TAPBPL: variants seen among roughly 807,000 people sequenced by gnomAD.
The protein encoded by TAPBPL is tapasin-related protein.
Under a neutral mutation model 44.8 loss-of-function variants are expected in TAPBPL, and 32 were observed. That is an observed-to-expected ratio of 0.71 (90% CI 0.54 to 0.96). The LOEUF (loss-of-function observed/expected upper bound fraction) is 0.96, where lower values mean the gene tolerates loss of function less well. Ranked by LOEUF, TAPBPL falls within the 40% of genes least tolerant of loss-of-function variation. TAPBPL has a pLI of 0.00. For synonymous variants in TAPBPL, 230 were observed against 240.7 expected (o/e 0.96, Z 0.41); for missense variants, 520 against 586.6 (o/e 0.89, Z 1.17).
downstream of TAPBPL, chr12:6,464,638 C>T (rs1949957999): frequency 2.7e-6 from 4 of 1,457,030 alleles, no homozygotes; most frequent in Admixed American, 1.1e-4. Context: ...GCCAGTGACA[C>T]ACAGCATAGC....
intron 5 of TAPBPL, among the ~76,000 whole-genome samples, chr12:6,459,924 C>T (rs1358643860): frequency 6.6e-6 from 1 of 151,508 alleles, no homozygotes; most frequent in Non-Finnish European, 1.5e-5. Flanking sequence ...GCGCGCACCA[C>T]CACGCCTGGC....
At position 6,453,200 on chromosome 12, in the gene TAPBPL, G is replaced by A. The variant is rs1386813178; in HGVS notation, c.198G>A (p.Gln66=). 3 of 1,613,340 alleles carry A rather than the reference G, an allele frequency of 1.9e-6. No homozygotes were observed. The highest frequency in any genetic ancestry group is 3.3e-5 in the Admixed American group (2 of 59,928). The part of the protein sequence containing the change: ...DRARASLVLK[Q]VPVLDDGSLE... Reference sequence around the variant, plus strand: ...CAAGGGCCTCCCTTGTGCTGAAGCAGGTGCCAGTGCTGGACGATGGCTCCC... The same window carrying A: ...CAAGGGCCTCCCTTGTGCTGAAGCAAGTGCCAGTGCTGGACGATGGCTCCC... Residue 66 remains glutamine (Q), a synonymous_variant, in exon 2 of 7, where the codon CAG becomes CAA. Coordinates refer to ENST00000266556, the MANE Select transcript of TAPBPL (RefSeq NM_018009.5). The surrounding 1 kb of genome is among the most constrained non-coding windows in gnomAD (Gnocchi z 4.8).
At chr12:6,468,949 A>C (rs1252401811), downstream of TAPBPL, among the ~76,000 whole-genome samples, 1 of 152,228 alleles carries the variant, frequency 6.6e-6, no homozygotes, top group African/African-American at 2.4e-5. Context: ...AATGCAACAA[A>C]AATGAAACCA....
At chr12:6,456,140 G>GTTTT (rs1555126181) in intron 3 of TAPBPL, among the ~76,000 whole-genome samples, 1 of 151,280 alleles carries the variant, frequency 6.6e-6, no homozygotes, top group Admixed American at 6.6e-5. Context: ...TTTTTTTACT[G>GTTTT]CTTTTTCTAA....
downstream of TAPBPL, among the ~76,000 whole-genome samples, chr12:6,465,637 C>CG (rs1950004302): frequency 6.6e-6 from 1 of 151,690 alleles, no homozygotes; most frequent in Non-Finnish European, 1.5e-5. Context: ...TCCCTGATAG[C>CG]GGTTCTAAAT....
downstream of TAPBPL, chr12:6,465,964 G>A: frequency 6.2e-7 from 1 of 1,614,202 alleles, no homozygotes; most frequent in African/African-American, 1.3e-5. Context: ...TCCCTCTCCA[G>A]GACCTTGTCC....
At chr12:6,463,123 C>G (rs1949924123), downstream of TAPBPL, 2 of 1,493,688 alleles carry the variant, frequency 1.3e-6, no homozygotes, top group Middle Eastern at 2.4e-4. This position sits in a 1 kb window ranked among gnomAD's most constrained non-coding sequence, Gnocchi z 4.0. Flanking sequence ...TGAGCAGATC[C>G]CATCCTCAGG....
chr12:6,466,162 A>G, downstream of TAPBPL: 1 of 1,612,940 alleles, frequency 6.2e-7, no homozygotes, highest in Admixed American at 1.7e-5. Context: ...AAAGATAAGA[A>G]GTTCCCTTTT....
At chr12:6,470,633 G>C (rs989743232), downstream of TAPBPL, 29 of 1,512,314 alleles carry the variant, frequency 1.9e-5, no homozygotes, top group African/African-American at 1.8e-4. Context: ...GCCAAGCTCC[G>C]CCTCGCGCCG....
At chr12:6,462,434 CGGGATGTGGGA>C (rs1949899519), downstream of TAPBPL, 2 of 484,942 alleles carry the variant, frequency 4.1e-6, no homozygotes, top group Non-Finnish European at 7.3e-6. Context: ...AACCGAAGAA[CGGGATGTGGGA>C]AGCTCAGCTT....
chr12:6,458,799 C>T lies in TAPBPL; in HGVS notation c.1059C>T (p.Ser353=), dbSNP rs1396494372. 6.2e-7 allele frequency: 1 copy of T among 1,614,060 alleles called. No homozygotes were observed. The highest frequency in any genetic ancestry group is 1.3e-5 in the African/African-American group (1 of 74,934). ...CCCAAGTCTCTGGTGCCTCCTTCTC[C>T]AGCCTCAGGCAAAGCGTGGCAGGCA... ...SPAQVSGASF[S]SLRQSVAGTY... is the part of the protein sequence containing the mutation. The change falls in exon 5 of 7, where the codon TCC becomes TCT. Residue 353 remains serine, a synonymous_variant. Coordinates refer to ENST00000266556, the MANE Select transcript of TAPBPL (RefSeq NM_018009.5).
the TAPBPL span, among the ~76,000 whole-genome samples, chr12:6,471,648 C>G: frequency 1.3e-5 from 2 of 152,036 alleles, no homozygotes; most frequent in East Asian, 3.9e-4. This position sits in a 1 kb window ranked among gnomAD's most constrained non-coding sequence, Gnocchi z 4.0. Flanking sequence ...GCCAACATGG[C>G]GAAACCTCTG....
downstream of TAPBPL, chr12:6,462,482 T>C (rs1949900929): frequency 4.0e-6 from 2 of 495,708 alleles, no homozygotes; most frequent in Middle Eastern, 1.0e-3. Context: ...CCCAGGGTTT[T>C]GTTGCACATT....
downstream of TAPBPL, chr12:6,466,327 A>C: frequency 6.2e-7 from 1 of 1,613,926 alleles, no homozygotes; most frequent in Non-Finnish European, 8.5e-7. Context: ...CTGTCCCTTC[A>C]GCAGGTGGCT....
At chr12:6,466,422 C>T, downstream of TAPBPL, 1 of 1,521,172 alleles carries the variant, frequency 6.6e-7, no homozygotes, top group Non-Finnish European at 8.8e-7. Context: ...GTAGCACACA[C>T]CTGTAGTCCC....
downstream of TAPBPL, chr12:6,470,706 T>C (rs1004278404): frequency 1.3e-6 from 1 of 775,746 alleles, no homozygotes; most frequent in Non-Finnish European, 2.1e-6. Context: ...TCCGCCTTTA[T>C]TAGTGCTGAC....
chr12:6,455,860 A>T (rs1008526877), intron 3 of TAPBPL, among the ~76,000 whole-genome samples: 4 of 150,966 alleles, frequency 2.6e-5, no homozygotes, highest in African/African-American at 7.3e-5. Context: ...TCCCAGGTTC[A>T]AGTGATTCTT....
downstream of TAPBPL, chr12:6,465,427 TAA>T (rs1328276842): frequency 4.7e-3 from 583 of 124,470 alleles, 7 homozygotes; most frequent in East Asian, 0.022. Context: ...TATATATATA[TAA>T]ATGTATATAT....
intron 4 of TAPBPL, among the ~76,000 whole-genome samples, chr12:6,458,110 G>C (rs565361936): frequency 6.6e-6 from 1 of 152,304 alleles, no homozygotes; most frequent in Non-Finnish European, 1.5e-5. Flanking sequence ...CTTAGAGGCC[G>C]GGCGCGGTGG....
Sources: gnomAD v4.1 joint callset for allele counts (sites outside exome capture counted in the v4.1 genomes callset) on GRCh38, gnomAD v4.1.1 for gene constraint, Gnocchi (gnomAD v3.1) non-coding constraint, MANE v1.5 for transcripts, NCBI Gene and HGNC (gene_info 2026-07-23, HGNC 2026-07-21) for gene names.